The following VDR variants were observed in gnomAD, a reference collection of about 807,000 sequenced individuals.
VDR encodes vitamin D3 receptor.
Under a neutral mutation model 39.7 loss-of-function variants are expected in VDR, and 19 were observed. That is an observed-to-expected ratio of 0.48 (90% CI 0.33 to 0.70). VDR has a LOEUF of 0.70. VDR is among the 30% of genes least tolerant of loss of function. The probability of loss-of-function intolerance (pLI) is 0.02; values close to 1 mark genes in which losing one functional copy is unlikely to be tolerated. For synonymous variants in VDR, 242 were observed against 215.8 expected (o/e 1.12, Z -1.07); for missense variants, 442 against 570.5 (o/e 0.77, Z 2.29).
chr12:47,845,454 G>A (rs933415811), intron 9 of VDR, among the ~76,000 whole-genome samples: 3 of 151,924 alleles, frequency 2.0e-5, no homozygotes, highest in Non-Finnish European at 4.4e-5. Flanking sequence ...CCCAGACCAC[G>A]TCAGCTTCCC....
At chr12:47,898,490 C>A (rs1946502329) in intron 1 of VDR, 1 of 152,588 alleles carries the variant, frequency 6.6e-6, no homozygotes, top group South Asian at 2.1e-4. Context: ...TGGGAGGCAG[C>A]AATTCCAACC....
intron 3 of VDR, among the ~76,000 whole-genome samples, chr12:47,874,159 A>G (rs548755112): frequency 1.2e-4 from 19 of 152,190 alleles, no homozygotes; most frequent in South Asian, 8.3e-4. Context: ...TCTGAACATT[A>G]CTCTTGGAAC....
chr12:47,853,034 T>C (rs975916875), intron 7 of VDR, among the ~76,000 whole-genome samples: 6 of 152,238 alleles, frequency 3.9e-5, no homozygotes, highest in African/African-American at 1.4e-4. Context: ...CTCAACCATA[T>C]TGTTTATGTA....
chr12:47,876,360 T>C (rs1946004049), intron 3 of VDR, among the ~76,000 whole-genome samples: 1 of 152,206 alleles, frequency 6.6e-6, no homozygotes, highest in Non-Finnish European at 1.5e-5. Flanking sequence ...AATCCATAGA[T>C]AACCCCACTC....
chr12:47,896,516 C>G (rs1235534656), intron 1 of VDR: 1 of 152,234 alleles, frequency 6.6e-6, no homozygotes, highest in African/African-American at 2.4e-5. Context: ...GCACAGAGCT[C>G]TCCCCACAAG....
intron 1 of VDR, among the ~76,000 whole-genome samples, chr12:47,887,319 T>C (rs1227860884): frequency 1.3e-4 from 4 of 29,714 alleles, no homozygotes; most frequent in Non-Finnish European, 2.1e-4. Flanking sequence ...TAAAACTCCG[T>C]CTCAAAAAAA....
At chr12:47,869,643 C>T (rs1396578271) in intron 3 of VDR, among the ~76,000 whole-genome samples, 1 of 151,944 alleles carries the variant, frequency 6.6e-6, no homozygotes, top group Non-Finnish European at 1.5e-5. Flanking sequence ...GCCTGTAAGC[C>T]CAGCACTTTG....
At chr12:47,890,128 A>G (rs1197645138) in intron 1 of VDR, among the ~76,000 whole-genome samples, 1 of 151,974 alleles carries the variant, frequency 6.6e-6, no homozygotes, top group Admixed American at 6.6e-5. Context: ...ACACATTTGG[A>G]CAGGACCAAG....
chr12:47,884,285 G>T (rs1021483782), intron 1 of VDR, among the ~76,000 whole-genome samples: 3 of 152,178 alleles, frequency 2.0e-5, no homozygotes, highest in African/African-American at 7.2e-5. Flanking sequence ...TACATGCCAG[G>T]CCTGCTAAGC....
At chr12:47,903,661 TTC>T (rs1290670725) in intron 1 of VDR, among the ~76,000 whole-genome samples, 1 of 152,174 alleles carries the variant, frequency 6.6e-6, no homozygotes, top group Non-Finnish European at 1.5e-5. Flanking sequence ...ACACCATGAC[TTC>T]TCTGGCCCCA....
At chr12:47,857,302 C>T (rs1022677937) in intron 5 of VDR, 53 bp from the exon 6 acceptor site, 1 of 1,613,444 alleles carries the variant, frequency 6.2e-7, no homozygotes, top group Non-Finnish European at 8.5e-7. Context: ...GCCTTCCTAC[C>T]TTGGCCCTGA....
In VDR at chr12:47,866,663, T is replaced by C. The variant is rs571804711; in HGVS notation, c.147-1486A>G. On this transcript the variant is annotated intron_variant, in intron 3 of 9. Transcript: ENST00000549336. ...ATCCTGAGGCCTGGCCTTGGGTTTTTTGAAAGGAAGAGGAAGCAGGAGCTC... is the reference window on the plus strand; with the variant it reads ...ATCCTGAGGCCTGGCCTTGGGTTTTCTGAAAGGAAGAGGAAGCAGGAGCTC... Among the ~76,000 whole-genome samples, 27 of 152,198 alleles carry C rather than the reference T, an allele frequency of 1.8e-4. 1 individual carries two copies. The highest frequency in any genetic ancestry group is 6.5e-4 in the African/African-American group (27 of 41,524).
intron 7 of VDR, among the ~76,000 whole-genome samples, chr12:47,850,227 T>G (rs1241867762): frequency 6.6e-6 from 1 of 152,242 alleles, no homozygotes; most frequent in African/African-American, 2.4e-5. Flanking sequence ...ACATTTAACA[T>G]ACTGGAGCTT....
Position 47,859,923 on chromosome 12 carries a change from T to TTCTTTCTTTC in VDR, c.278-2236_278-2235insGAAAGAAAGA, listed in dbSNP as rs1555151337. ...CTTCCTTCCTTCCTTCCTTCTTTCT[T>TTCTTTCTTTC]TTTCTTTCTTTCTTTCTTTCTTTCT... On this transcript the variant is annotated intron_variant, in intron 4 of 9. Coordinates refer to ENST00000549336, the MANE Select transcript of VDR (RefSeq NM_000376.3). 2.3e-3 allele frequency among the ~76,000 whole-genome samples: 115 copies of TTCTTTCTTTC among 50,844 alleles called. 3 individuals carry two copies. The highest frequency in any genetic ancestry group is 3.9e-3 in the African/African-American group (42 of 10,884). The allele number at this position is 50,844 out of a possible 152,430, so 33.4% of individuals were successfully genotyped here. A position where few individuals can be genotyped will look rare whatever the true frequency, so the allele number is the denominator to read the frequency against.
At chr12:47,873,311 C>G (rs1222660633) in intron 3 of VDR, among the ~76,000 whole-genome samples, 4 of 151,272 alleles carry the variant, frequency 2.6e-5, no homozygotes, top group African/African-American at 4.9e-5. Flanking sequence ...TCTGAGGCCT[C>G]CCCATCCATG....
At chr12:47,855,922 G>A in intron 6 of VDR, 121 bp from the exon 7 acceptor site, 4 of 1,132,260 alleles carry the variant, frequency 3.5e-6, no homozygotes, top group South Asian at 2.6e-5. Context: ...ATCCCACAGT[G>A]ACTCCACAGG....
At chr12:47,872,638 G>A (rs1012946404) in intron 3 of VDR, among the ~76,000 whole-genome samples, 6 of 152,184 alleles carry the variant, frequency 3.9e-5, no homozygotes, top group East Asian at 1.9e-4. Context: ...GCCTTTGACC[G>A]ACATGAAGCT....
chr12:47,895,592 A>G (rs1292417992), intron 1 of VDR, among the ~76,000 whole-genome samples: 7 of 152,150 alleles, frequency 4.6e-5, no homozygotes, highest in Admixed American at 6.5e-5. Context: ...ATCCCACTCT[A>G]TAACAGTTAC....
chr12:47,872,529 G>A (rs1057023250), intron 3 of VDR, among the ~76,000 whole-genome samples: 1 of 152,202 alleles, frequency 6.6e-6, no homozygotes, highest in Non-Finnish European at 1.5e-5. Flanking sequence ...CCATATTTCT[G>A]TTTCATGTGC....
Sources: gnomAD v4.1 joint callset for allele counts (sites outside exome capture counted in the v4.1 genomes callset) on GRCh38, gnomAD v4.1.1 for gene constraint, MANE v1.5 for transcripts, NCBI Gene and HGNC (gene_info 2026-07-23, HGNC 2026-07-21) for gene names.